TESK2: variants seen among roughly 807,000 people sequenced by gnomAD.
The protein encoded by TESK2 is testis associated actin remodelling kinase 2, also known as dual specificity testis-specific protein kinase 2.
A neutral mutation model predicts 57.1 loss-of-function variants in TESK2; 39 were observed. The observed-to-expected ratio is 0.68, with a 90% CI of 0.53 to 0.89. The LOEUF is 0.89. Ranked by LOEUF, TESK2 falls within the 40% of genes least tolerant of loss-of-function variation. The pLI is 0.00. For synonymous variants in TESK2, 249 were observed against 267.9 expected (o/e 0.93, Z 0.69); for missense variants, 646 against 732.1 (o/e 0.88, Z 1.36).
intron 3 of TESK2, among the ~76,000 whole-genome samples, chr1:45,386,575 G>A (rs1648907179): frequency 6.6e-6 from 1 of 151,898 alleles, no homozygotes; most frequent in South Asian, 2.1e-4. Context: ...TTGGTTATAT[G>A]GATTAGTTTT....
chr1:45,468,340 T>G (rs1256241780), intron 1 of TESK2, among the ~76,000 whole-genome samples: 1 of 152,106 alleles, frequency 6.6e-6, no homozygotes, highest in East Asian at 1.9e-4. Context: ...TTTAGAGAAG[T>G]GCTGAGCAAG....
At chr1:45,473,039 A>T (rs1280393636) in intron 1 of TESK2, among the ~76,000 whole-genome samples, 2 of 151,230 alleles carry the variant, frequency 1.3e-5, no homozygotes, top group Non-Finnish European at 2.9e-5. Flanking sequence ...CTGTAGTCCC[A>T]GCTAATCGGG....
intron 5 of TESK2, among the ~76,000 whole-genome samples, chr1:45,351,077 A>G (rs528797847): frequency 1.3e-5 from 2 of 152,376 alleles, no homozygotes; most frequent in Admixed American, 1.3e-4. Context: ...ACTAAGAACT[A>G]AAGGTGCAAT....
At chr1:45,442,768 C>T (rs1213264502) in intron 2 of TESK2, among the ~76,000 whole-genome samples, 1 of 152,182 alleles carries the variant, frequency 6.6e-6, no homozygotes, top group African/African-American at 2.4e-5. Flanking sequence ...ATAAATTTCA[C>T]TAACATCCAA....
intron 7 of TESK2, 33 bp downstream of exon 7, chr1:45,347,573 AAAG>A (rs1359459971): frequency 2.5e-6 from 4 of 1,582,460 alleles, no homozygotes; most frequent in Non-Finnish European, 3.5e-6. Flanking sequence ...GAAAAAGAAA[AAAG>A]GAGAATCAGG....
chr1:45,458,338 G>A (rs1652195435), intron 1 of TESK2, among the ~76,000 whole-genome samples: 2 of 152,208 alleles, frequency 1.3e-5, no homozygotes, highest in South Asian at 4.1e-4. Flanking sequence ...GCCAAGGCAG[G>A]CGGATCACTT....
chr1:45,344,101 T>TC lies in TESK2; in HGVS notation c.*738_*739insG, dbSNP rs757193894. 12 of 178,904 alleles carry TC rather than the reference T, an allele frequency of 6.7e-5. No homozygotes were observed. Among genetic ancestry groups the TC allele is most frequent in the Non-Finnish European group, 1.5e-4 (12 of 82,624 alleles). The allele number at this position is 178,904 out of a possible 1,614,324, so 11.1% of individuals were successfully genotyped here. A position where few individuals can be genotyped will look rare whatever the true frequency, so the allele number is the denominator to read the frequency against. ...TATAAACCATTTAACCAATTGAATG[T>TC]ATCACATGTTGATAAATACATAGAA... On this transcript the variant is annotated 3_prime_UTR_variant, in exon 11 of 11. Coordinates refer to ENST00000372086, the MANE Select transcript of TESK2 (RefSeq NM_007170.3).
chr1:45,478,852 T>C (rs78214626), intron 1 of TESK2, among the ~76,000 whole-genome samples: 7,873 of 151,774 alleles, frequency 0.052, 710 homozygotes, highest in African/African-American at 0.18. Flanking sequence ...GCCTCCTGAG[T>C]AGCTAGGATT....
chr1:45,485,195 T>TG (rs1557592242), intron 1 of TESK2, among the ~76,000 whole-genome samples: 1 of 141,036 alleles, frequency 7.1e-6, no homozygotes, highest in Non-Finnish European at 1.6e-5. Context: ...TTTTTGTTTT[T>TG]TGTTTTTTTT....
intron 1 of TESK2, among the ~76,000 whole-genome samples, chr1:45,478,655 A>G (rs1327033803): frequency 6.6e-6 from 1 of 152,168 alleles, no homozygotes; most frequent in African/African-American, 2.4e-5. Flanking sequence ...GGTGACGACA[A>G]TATAGACATA....
At chr1:45,368,141 C>G (rs573447012) in intron 4 of TESK2, among the ~76,000 whole-genome samples, 94 of 150,544 alleles carry the variant, frequency 6.2e-4, no homozygotes, top group African/African-American at 2.2e-3. Context: ...ATTACAGGCG[C>G]CTGCCACCAC....
At chr1:45,418,392 C>T (rs1322514912) in intron 3 of TESK2, among the ~76,000 whole-genome samples, 1 of 152,194 alleles carries the variant, frequency 6.6e-6, no homozygotes, top group African/African-American at 2.4e-5. Flanking sequence ...TCATCAATTA[C>T]CTTATCATTC....
At chr1:45,441,263 C>T (rs1016566362) in intron 2 of TESK2, among the ~76,000 whole-genome samples, 4 of 152,114 alleles carry the variant, frequency 2.6e-5, no homozygotes, top group African/African-American at 4.8e-5. Flanking sequence ...CTCTGCCTCC[C>T]GGGTTCAAGC....
chr1:45,381,449 G>C (rs1388787074), intron 4 of TESK2, among the ~76,000 whole-genome samples: 7 of 152,148 alleles, frequency 4.6e-5, no homozygotes, highest in African/African-American at 1.7e-4. Context: ...AAAATCAGTT[G>C]TGCAAATGGA....
At chr1:45,439,051 T>C (rs1407607202) in intron 2 of TESK2, among the ~76,000 whole-genome samples, 1 of 152,020 alleles carries the variant, frequency 6.6e-6, no homozygotes, top group East Asian at 1.9e-4. Flanking sequence ...TGAGATCCAG[T>C]ATCTAAGTTT....
intron 3 of TESK2, among the ~76,000 whole-genome samples, chr1:45,396,442 A>G (rs1338980605): frequency 6.6e-6 from 1 of 151,754 alleles, no homozygotes; most frequent in Non-Finnish European, 1.5e-5. Context: ...TTGAGTACCT[A>G]TTATGTGCCA....
chr1:45,417,119 A>G (rs1272196409), intron 3 of TESK2, among the ~76,000 whole-genome samples: 1 of 152,144 alleles, frequency 6.6e-6, no homozygotes, highest in Admixed American at 6.6e-5. Context: ...CGACTTTTTT[A>G]GAGTTCATAC....
intron 3 of TESK2, among the ~76,000 whole-genome samples, chr1:45,387,457 C>A (rs1279061521): frequency 6.6e-6 from 1 of 151,870 alleles, no homozygotes; most frequent in Non-Finnish European, 1.5e-5. Flanking sequence ...ACCCAAGTCC[C>A]AAGTAAGTTC....
In TESK2 at chr1:45,345,928, G is replaced by C. The variant is rs761034307; in HGVS notation, c.946C>G (p.Leu316Val). The stretch of plus-strand genomic sequence containing the variant: ...TCCCTCTCCTGCTCTTCTTCCTGTA[G>C]GCGGCTCAGAATTTCCTCCAGGGTC... Reference protein sequence around the residue: ...GKTLEEILSRLQEEEQERDRK... With the variant: ...GKTLEEILSRVQEEEQERDRK... The change falls in exon 10 of 11, where the codon CTA becomes GTA. Residue 316 changes from leucine (L) to valine (V), a missense_variant. Physicochemically the swap from Leu to Val is conservative, Grantham distance 32. Coordinates refer to ENST00000372086, the MANE Select transcript of TESK2 (RefSeq NM_007170.3). 4.3e-6 allele frequency: 7 copies of C among 1,614,122 alleles called. No homozygotes were observed. Among genetic ancestry groups the C allele is most frequent in the Non-Finnish European group, 5.9e-6 (7 of 1,180,020 alleles).
Sources: gnomAD v4.1 joint callset for allele counts (sites outside exome capture counted in the v4.1 genomes callset) on GRCh38, gnomAD v4.1.1 for gene constraint, MANE v1.5 for transcripts, NCBI Gene and HGNC (gene_info 2026-07-23, HGNC 2026-07-21) for gene names.